GPHN: variants seen among roughly 807,000 people sequenced by gnomAD.
GPHN encodes gephyrin.
In GPHN, 17 loss-of-function variants were observed where a neutral mutation model predicts 95.5. The observed-to-expected ratio is 0.18, with a 90% CI of 0.12 to 0.27. The LOEUF (loss-of-function observed/expected upper bound fraction) is 0.27. Ranked by LOEUF, GPHN falls within the 10% of genes least tolerant of loss-of-function variation. The pLI is 1.00. For missense variants in GPHN, 660 were observed against 978.1 expected (o/e 0.67, Z 4.34); for synonymous variants, 320 against 322.5 (o/e 0.99, Z 0.08).
At chr14:67,390,601 GGA>G in the GPHN span, 3 of 1,160,052 alleles carry the variant, frequency 2.6e-6, no homozygotes, top group East Asian at 2.3e-5. Flanking sequence ...CGCCATGCCA[GGA>G]GAGGAGTGTC....
At chr14:66,841,507 G>A (rs973384486) in intron 4 of GPHN, among the ~76,000 whole-genome samples, 1 of 152,142 alleles carries the variant, frequency 6.6e-6, no homozygotes, top group Admixed American at 6.5e-5. Context: ...GTAGTGAGAA[G>A]TAGATTACTG....
chr14:66,707,845 C>T lies in GPHN; in HGVS notation c.143+26660C>T, dbSNP rs546494121. 2.6e-5 allele frequency among the ~76,000 whole-genome samples: 4 copies of T among 152,204 alleles called. 1 individual carries two copies. In the South Asian group the frequency reaches 8.3e-4, roughly 32 times the overall value. On this transcript the variant is annotated intron_variant, in intron 2 of 22. Transcript: ENST00000478722. ...ATTTATTTTATACAAAGTGATGTTTCAATGTAGGTATACATTGTATAATGG... is the reference window on the plus strand; with the variant it reads ...ATTTATTTTATACAAAGTGATGTTTTAATGTAGGTATACATTGTATAATGG...
At chr14:67,163,095 C>T (rs968365319) in intron 19 of GPHN, among the ~76,000 whole-genome samples, 3 of 152,070 alleles carry the variant, frequency 2.0e-5, no homozygotes, top group African/African-American at 4.8e-5. Context: ...CGCTTGAGCT[C>T]AGGAGTTCAA....
At chr14:67,245,791 TATTA>T in the GPHN span, among the ~76,000 whole-genome samples, 2 of 152,160 alleles carry the variant, frequency 1.3e-5, no homozygotes, top group Admixed American at 1.3e-4. Flanking sequence ...AAGTCCAAAT[TATTA>T]ATTTTTAAAA....
At chr14:67,579,175 T>C in the GPHN span, 2 of 1,607,028 alleles carry the variant, frequency 1.2e-6, no homozygotes, top group South Asian at 1.1e-5. Flanking sequence ...CAGCGGGCAG[T>C]GGAGCGGACC....
the GPHN span, among the ~76,000 whole-genome samples, chr14:67,709,229 T>C: frequency 0.45 from 68,291 of 152,140 alleles, 17,888 homozygotes; most frequent in Non-Finnish European, 0.61. Context: ...AAATAAGTTA[T>C]TCATTTAACC....
chr14:66,961,912 A>G (rs1270394197), intron 8 of GPHN, among the ~76,000 whole-genome samples: 3 of 68,766 alleles, frequency 4.4e-5, no homozygotes, highest in African/African-American at 1.7e-4. Context: ...ATATATATAT[A>G]TATATATATA....
chr14:66,570,617 C>A (rs1439724233), intron 1 of GPHN, among the ~76,000 whole-genome samples: 2 of 152,036 alleles, frequency 1.3e-5, no homozygotes. Flanking sequence ...ATTTCATATA[C>A]TTTTGATATA....
intron 3 of GPHN, among the ~76,000 whole-genome samples, chr14:66,787,625 A>G (rs1416143800): frequency 6.6e-6 from 1 of 152,186 alleles, no homozygotes; most frequent in East Asian, 1.9e-4. Flanking sequence ...TGGCAGAGAA[A>G]TAAAAACATA....
At chr14:67,538,430 T>C in the GPHN span, among the ~76,000 whole-genome samples, 46,521 of 152,172 alleles carry the variant, frequency 0.31, 7,312 homozygotes, top group African/African-American at 0.36. Flanking sequence ...AAATAACACA[T>C]GCGTCGCAAT....
the GPHN span, among the ~76,000 whole-genome samples, chr14:67,486,686 T>C: frequency 6.6e-6 from 1 of 152,192 alleles, no homozygotes; most frequent in Non-Finnish European, 1.5e-5. Context: ...TTGTGAGGCT[T>C]CCCCAGACAC....
At chr14:66,712,605 G>T (rs764820807) in intron 2 of GPHN, among the ~76,000 whole-genome samples, 6 of 152,078 alleles carry the variant, frequency 3.9e-5, no homozygotes, top group Admixed American at 3.9e-4. Flanking sequence ...CACTCTGATG[G>T]TAGTTTCTTT....
At chr14:67,301,246 C>T in the GPHN span, 2 of 469,558 alleles carry the variant, frequency 4.3e-6, no homozygotes, top group Non-Finnish European at 7.6e-6. Flanking sequence ...AGATTGAAAA[C>T]TCTAATAATT....
At chr14:66,955,915 A>G (rs1171970126) in intron 8 of GPHN, among the ~76,000 whole-genome samples, 2 of 152,106 alleles carry the variant, frequency 1.3e-5, no homozygotes, top group Non-Finnish European at 2.9e-5. Context: ...ATAGTATTCC[A>G]TGGTGTATAT....
At chr14:66,653,897 G>T (rs1368358772) in intron 1 of GPHN, among the ~76,000 whole-genome samples, 1 of 152,128 alleles carries the variant, frequency 6.6e-6, no homozygotes, top group Non-Finnish European at 1.5e-5. Context: ...TACAGGTTTT[G>T]GGTATTAACA....
chr14:66,744,572 G>A (rs1344830925), intron 2 of GPHN, among the ~76,000 whole-genome samples: 1 of 152,188 alleles, frequency 6.6e-6, no homozygotes, highest in African/African-American at 2.4e-5. Flanking sequence ...CACCTTGAAA[G>A]AATGTTGATA....
intron 9 of GPHN, among the ~76,000 whole-genome samples, chr14:67,014,116 C>T (rs1022673008): frequency 6.6e-6 from 1 of 151,978 alleles, no homozygotes; most frequent in Non-Finnish European, 1.5e-5. Context: ...AAAAAATCAG[C>T]ATTTCTTATT....
chr14:66,920,176 G>T (rs1170556033), intron 6 of GPHN, among the ~76,000 whole-genome samples: 1 of 152,198 alleles, frequency 6.6e-6, no homozygotes, highest in African/African-American at 2.4e-5. Context: ...GACTCAGGAG[G>T]TTGGGAACAA....
At chr14:66,860,629 TATCTC>T (rs2062987365) in intron 4 of GPHN, among the ~76,000 whole-genome samples, 1 of 151,946 alleles carries the variant, frequency 6.6e-6, no homozygotes, top group African/African-American at 2.4e-5. Flanking sequence ...AAACTACTCT[TATCTC>T]AAGCAGAAAG....
Sources: allele counts gnomAD v4.1 joint callset (sites outside exome capture counted in the v4.1 genomes callset), GRCh38; gene constraint gnomAD v4.1.1; transcripts MANE v1.5; gene names NCBI Gene and HGNC (gene_info 2026-07-23, HGNC 2026-07-21).